Variants in TANGO6 observed in about 807,000 individuals in gnomAD.
The protein encoded by TANGO6 is transport and Golgi organization protein 6 homolog.
Under a neutral mutation model 114.2 loss-of-function variants are expected in TANGO6, and 90 were observed. The observed-to-expected ratio is 0.79, with a 90% CI of 0.66 to 0.94. TANGO6 has a LOEUF of 0.94. Ranked by LOEUF, TANGO6 falls within the 40% of genes least tolerant of loss-of-function variation. The probability of loss-of-function intolerance (pLI) is 0.00; values close to 1 mark genes in which losing one functional copy is unlikely to be tolerated. For missense variants in TANGO6, 1,274 were observed against 1,315.3 expected (o/e 0.97, Z 0.49); for synonymous variants, 477 against 509.8 (o/e 0.94, Z 0.87).
At chr16:68,923,038 G>T (rs1371784159) in intron 12 of TANGO6, among the ~76,000 whole-genome samples, 1 of 134,350 alleles carries the variant, frequency 7.4e-6, no homozygotes, top group African/African-American at 2.8e-5. Flanking sequence ...ACCTCCGCCC[G>T]CTGGGTTCAA....
chr16:68,887,830 G>C lies in TANGO6; in HGVS notation c.1377+7200G>C, dbSNP rs192935425. Among the ~76,000 whole-genome samples, 1,025 of 152,244 alleles carry C rather than the reference G, an allele frequency of 6.7e-3. 5 individuals carry two copies. Among genetic ancestry groups the C allele is most frequent in the Middle Eastern group, 0.01 (3 of 294 alleles). On this transcript the variant is annotated intron_variant, in intron 7 of 17. Coordinates refer to ENST00000261778, the MANE Select transcript of TANGO6 (RefSeq NM_024562.2). ...GGAGGCAGAGGTTGCAGTGAGCCGA[G>C]ATCATGCCACTGCACTCCAGCCTGG...
At chr16:68,980,039 G>A (rs1381638644) in intron 15 of TANGO6, among the ~76,000 whole-genome samples, 2 of 151,580 alleles carry the variant, frequency 1.3e-5, no homozygotes, top group Non-Finnish European at 2.9e-5. Flanking sequence ...GTAGAGACGG[G>A]GTTTCACCAT....
At chr16:68,913,894 C>A (rs1483491000) in intron 11 of TANGO6, among the ~76,000 whole-genome samples, 1 of 152,094 alleles carries the variant, frequency 6.6e-6, no homozygotes, top group East Asian at 1.9e-4. Context: ...CTTTGTACAA[C>A]CACCTCCACT....
At chr16:68,940,186 C>T (rs1429891528) in intron 14 of TANGO6, among the ~76,000 whole-genome samples, 2 of 137,722 alleles carry the variant, frequency 1.5e-5, no homozygotes, top group Non-Finnish European at 1.6e-5. Context: ...TTCCTTCCTT[C>T]TTTTCTTTCT....
At chr16:69,029,163 C>G (rs1453542935) in intron 16 of TANGO6, among the ~76,000 whole-genome samples, 3 of 152,252 alleles carry the variant, frequency 2.0e-5, no homozygotes, top group Non-Finnish European at 4.4e-5. Flanking sequence ...AAAGATTGAG[C>G]TAAAGCAGAT....
chr16:68,927,676 A>G lies in TANGO6; in HGVS notation c.2236A>G (p.Ile746Val). The change falls in exon 13 of 18, where the codon ATC becomes GTC. Residue 746 changes from isoleucine (I) to valine (V), a missense_variant. Around this residue, in one of 5 missense-constraint regions of TANGO6, gnomAD observed 908 missense variants for 910.2 expected, o/e 1.00. Coordinates refer to ENST00000261778, the MANE Select transcript of TANGO6 (RefSeq NM_024562.2). ...VIQELAVDLR[I>V]TISTHGAFAT... Reference sequence around the variant, plus strand: ...CCAAGAACTCGCTGTTGATCTCCGCATCACCATCTCTACCCATGGAGCCTT... The same window carrying G: ...CCAAGAACTCGCTGTTGATCTCCGCGTCACCATCTCTACCCATGGAGCCTT... 1 of 1,614,030 alleles carries G rather than the reference A, an allele frequency of 6.2e-7. No homozygotes were observed. Among genetic ancestry groups the G allele is most frequent in the Non-Finnish European group, 8.5e-7 (1 of 1,179,890 alleles).
chr16:69,000,708 C>T (rs1349831188), intron 15 of TANGO6, among the ~76,000 whole-genome samples: 1 of 152,152 alleles, frequency 6.6e-6, no homozygotes, highest in Non-Finnish European at 1.5e-5. Flanking sequence ...ACTCCTGCCT[C>T]AGCCTCCTGA....
chr16:69,041,838 G>T (rs1959778919), intron 17 of TANGO6, among the ~76,000 whole-genome samples: 2 of 152,216 alleles, frequency 1.3e-5, no homozygotes, highest in African/African-American at 4.8e-5. Flanking sequence ...CAAGAAATAT[G>T]TAAGTAGGTG....
chr16:68,877,750 G>A (rs1055932752), intron 5 of TANGO6, among the ~76,000 whole-genome samples: 10 of 151,874 alleles, frequency 6.6e-5, no homozygotes, highest in African/African-American at 2.4e-4. Context: ...TGGGACTACA[G>A]GCGCCCGCCA....
intron 17 of TANGO6, among the ~76,000 whole-genome samples, chr16:69,061,756 ACGCCTGT>A (rs1960120977): frequency 1.3e-5 from 2 of 152,044 alleles, no homozygotes; most frequent in Non-Finnish European, 2.9e-5. Flanking sequence ...GCGGTGGCTC[ACGCCTGT>A]AATCCCAGCA....
chr16:69,006,477 C>T lies in TANGO6; in HGVS notation c.2843-16351C>T, dbSNP rs9931425. ...ACAGACTTCTGGCTGGGTGCGGTGG[C>T]TCATGCCTGTAATCCTAGCACTTTG... On this transcript the variant is annotated intron_variant, in intron 15 of 17. Coordinates refer to ENST00000261778, the MANE Select transcript of TANGO6 (RefSeq NM_024562.2). 4.1e-3 allele frequency among the ~76,000 whole-genome samples: 625 copies of T among 152,202 alleles called. 4 individuals are homozygous for T. Among genetic ancestry groups the T allele is most frequent in the African/African-American group, 0.014 (592 of 41,498 alleles).
chr16:69,066,428 G>A (rs1250484043), intron 17 of TANGO6, among the ~76,000 whole-genome samples: 1 of 152,082 alleles, frequency 6.6e-6, no homozygotes, highest in African/African-American at 2.4e-5. Flanking sequence ...CCAAGTAGCT[G>A]GGATTACAGG....
At chr16:69,045,156 C>CAA (rs34165608) in intron 17 of TANGO6, among the ~76,000 whole-genome samples, 37,096 of 87,878 alleles carry the variant, frequency 0.42, 7,102 homozygotes, top group East Asian at 0.54. Context: ...ACTCTTGTCT[C>CAA]AAAAAAAAAA....
At chr16:69,081,744 G>T (rs1036781799) in intron 17 of TANGO6, among the ~76,000 whole-genome samples, 7 of 152,028 alleles carry the variant, frequency 4.6e-5, no homozygotes, top group Non-Finnish European at 8.8e-5. Flanking sequence ...GAGCTCCTGT[G>T]AGTAGGTACT....
intron 15 of TANGO6, among the ~76,000 whole-genome samples, chr16:69,005,826 T>G (rs1054945646): frequency 6.6e-6 from 1 of 151,850 alleles, no homozygotes; most frequent in African/African-American, 2.4e-5. Context: ...TGAATCCTCA[T>G]TTTACCCAGC....
chr16:68,910,713 G>A (rs143987772), intron 11 of TANGO6, among the ~76,000 whole-genome samples: 245 of 152,318 alleles, frequency 1.6e-3, no homozygotes, highest in African/African-American at 5.8e-3. Context: ...GTCTGTCTCT[G>A]TCGCCCAGGC....
At chr16:68,874,308 C>T (rs947189598) in intron 4 of TANGO6, among the ~76,000 whole-genome samples, 2 of 152,256 alleles carry the variant, frequency 1.3e-5, no homozygotes, top group African/African-American at 2.4e-5. Flanking sequence ...CTATTGTTAT[C>T]GCCTGAAAAC....
chr16:69,068,380 G>C (rs1317830239), intron 17 of TANGO6, among the ~76,000 whole-genome samples: 1 of 152,146 alleles, frequency 6.6e-6, no homozygotes, highest in Non-Finnish European at 1.5e-5. Flanking sequence ...TCTGGAGTCA[G>C]GCTACCAGGG....
chr16:69,078,128 A>G (rs1013468318), intron 17 of TANGO6, among the ~76,000 whole-genome samples: 21 of 152,180 alleles, frequency 1.4e-4, no homozygotes, highest in Non-Finnish European at 2.9e-4. Context: ...ATAGCCTCCC[A>G]GGCTGAGGGA....
Sources: allele counts gnomAD v4.1 joint callset (sites outside exome capture counted in the v4.1 genomes callset), GRCh38; gene constraint gnomAD v4.1.1; regional missense constraint gnomAD v4.1.1; transcripts MANE v1.5; gene names NCBI Gene and HGNC (gene_info 2026-07-23, HGNC 2026-07-21).